Variants in ZFPM2 observed in about 807,000 individuals in gnomAD.
The protein encoded by ZFPM2 is zinc finger protein ZFPM2.
In ZFPM2, 20 loss-of-function variants were observed where a neutral mutation model predicts 98.6. That is an observed-to-expected ratio of 0.20 (90% confidence interval 0.14 to 0.29). The LOEUF is 0.29. Ranked by LOEUF, ZFPM2 falls within the 10% of genes least tolerant of loss-of-function variation. The pLI is 1.00. For synonymous variants in ZFPM2, 518 were observed against 502.7 expected, an observed-to-expected ratio of 1.03 and a Z score of -0.41; for missense variants, 1,310 against 1,388.6, an observed-to-expected ratio of 0.94 and a Z score of 0.90.
rs184591638 is a variant in ZFPM2 at position 105,362,210 on chromosome 8, A to T, written c.40+43229A>T. 1.3e-3 allele frequency among the ~76,000 whole-genome samples: 198 copies of T among 152,244 alleles called. 1 individual carries two copies. Among genetic ancestry groups the T allele is most frequent in the Non-Finnish European group, 2.5e-3 (172 of 68,014 alleles). On this transcript the variant is annotated intron_variant, in intron 1 of 7. Transcript: ENST00000407775. ...TCAAGTCATCTAGAAGTAAAATCAT[A>T]TTGCATAGGAGATTCTAAAGCACTT...
intron 6 of ZFPM2, 115 bp downstream of exon 6, chr8:105,789,039 T>C: frequency 3.8e-6 from 3 of 795,566 alleles, no homozygotes; most frequent in Non-Finnish European, 5.6e-6. Context: ...TGTTGTGGTT[T>C]CATTTTATCT....
At chr8:105,488,785 A>C (rs953085312) in intron 3 of ZFPM2, among the ~76,000 whole-genome samples, 2 of 152,142 alleles carry the variant, frequency 1.3e-5, no homozygotes, top group African/African-American at 4.8e-5. Context: ...AGAAAGGTTA[A>C]GTAACTGGCC....
intron 5 of ZFPM2, among the ~76,000 whole-genome samples, chr8:105,663,819 A>G (rs1817437254): frequency 1.3e-5 from 2 of 152,246 alleles, no homozygotes; most frequent in South Asian, 4.1e-4. Flanking sequence ...TGTTCACTCT[A>G]AGATGGTCTC....
chr8:105,475,871 G>C (rs1430160260), intron 3 of ZFPM2, among the ~76,000 whole-genome samples: 1 of 152,144 alleles, frequency 6.6e-6, no homozygotes, highest in East Asian at 1.9e-4. Flanking sequence ...TTCCAAAAAT[G>C]AGTCATGAGG....
At chr8:105,800,725 T>C (rs1276265487) in intron 7 of ZFPM2, among the ~76,000 whole-genome samples, 1 of 152,138 alleles carries the variant, frequency 6.6e-6, no homozygotes. Context: ...TAGGCATGGC[T>C]TCATCACTTA....
At chr8:105,440,979 G>A (rs144947269) in intron 2 of ZFPM2, among the ~76,000 whole-genome samples, 10 of 151,634 alleles carry the variant, frequency 6.6e-5, no homozygotes, top group African/African-American at 2.4e-4. Context: ...GTGAAACCCC[G>A]TCTCTACTAA....
At chr8:105,344,033 C>A (rs1051184428) in intron 1 of ZFPM2, among the ~76,000 whole-genome samples, 2 of 151,998 alleles carry the variant, frequency 1.3e-5, no homozygotes, top group African/African-American at 4.8e-5. Flanking sequence ...ATGCAGTGGG[C>A]AAGAAGAGGA....
intron 1 of ZFPM2, among the ~76,000 whole-genome samples, chr8:105,349,062 G>T (rs1005527170): frequency 4.6e-5 from 7 of 152,164 alleles, no homozygotes; most frequent in Non-Finnish European, 1.0e-4. Flanking sequence ...TGATAAATGA[G>T]CCCAAGGAGC....
intron 5 of ZFPM2, among the ~76,000 whole-genome samples, chr8:105,707,813 A>G (rs866314395): frequency 8.5e-5 from 13 of 152,316 alleles, no homozygotes; most frequent in African/African-American, 2.9e-4. Flanking sequence ...ACTGTTTCAC[A>G]TAAACATCCA....
intron 3 of ZFPM2, among the ~76,000 whole-genome samples, chr8:105,549,184 T>C (rs1814784320): frequency 1.3e-5 from 2 of 152,022 alleles, no homozygotes; most frequent in Non-Finnish European, 1.5e-5. Flanking sequence ...CTCTATACTC[T>C]ATATTCATGT....
At chr8:105,649,909 G>A (rs1817132639) in intron 5 of ZFPM2, among the ~76,000 whole-genome samples, 1 of 152,172 alleles carries the variant, frequency 6.6e-6, no homozygotes, top group African/African-American at 2.4e-5. Context: ...CTGAGTTAGG[G>A]AGGATTCCCT....
intron 5 of ZFPM2, among the ~76,000 whole-genome samples, chr8:105,763,259 T>C (rs1203604585): frequency 6.6e-6 from 1 of 151,848 alleles, no homozygotes; most frequent in Non-Finnish European, 1.5e-5. Flanking sequence ...AGCAAGTGCA[T>C]ATTTATTCCA....
At chr8:105,686,406 AT>A (rs1323176282) in intron 5 of ZFPM2, among the ~76,000 whole-genome samples, 2 of 151,898 alleles carry the variant, frequency 1.3e-5, no homozygotes, top group African/African-American at 4.8e-5. Flanking sequence ...CCCTAGTAGC[AT>A]TTTTTTGGAG....
At chr8:105,674,754 TGAGAA>T (rs1298270868) in intron 5 of ZFPM2, among the ~76,000 whole-genome samples, 2 of 152,084 alleles carry the variant, frequency 1.3e-5, no homozygotes, top group Admixed American at 1.3e-4. Flanking sequence ...GGATATAAAA[TGAGAA>T]GAAAGCAAGA....
chr8:105,482,052 T>C (rs1050201158), intron 3 of ZFPM2, among the ~76,000 whole-genome samples: 1 of 152,222 alleles, frequency 6.6e-6, no homozygotes. Flanking sequence ...GATTGTGTAA[T>C]GTTTTTCTGC....
intron 3 of ZFPM2, among the ~76,000 whole-genome samples, chr8:105,495,725 TGAA>T (rs565167802): frequency 1.4e-4 from 22 of 152,218 alleles, no homozygotes; most frequent in South Asian, 8.3e-4. Context: ...CGTTTTTTTC[TGAA>T]GAAGAAGAAG....
intron 4 of ZFPM2, among the ~76,000 whole-genome samples, chr8:105,570,368 G>T (rs1474020661): frequency 1.3e-5 from 2 of 151,874 alleles, no homozygotes; most frequent in African/African-American, 4.8e-5. Flanking sequence ...GGAGAAAGAA[G>T]TTTGTGTGGA....
At position 105,524,164 on chromosome 8, in the gene ZFPM2, A is replaced by G. The variant is rs576403963; in HGVS notation, c.302-37199A>G. Among the ~76,000 whole-genome samples, 3 of 152,188 alleles carry G rather than the reference A, an allele frequency of 2.0e-5. No individual in the cohort carries two copies. The South Asian group carries it at 6.2e-4, about 32-fold the overall frequency. On this transcript the variant is annotated intron_variant, in intron 3 of 7. Coordinates refer to ENST00000407775, the MANE Select transcript of ZFPM2 (RefSeq NM_012082.4). ...AATTGAGGCACTTTGGGGAGATATA[A>G]CTATGTTAATGCTGGAAAGTCTACT...
At position 105,583,568 on chromosome 8, in the gene ZFPM2, A is replaced by G. The variant is rs144870404; in HGVS notation, c.420+22087A>G. On this transcript the variant is annotated intron_variant, in intron 4 of 7. Transcript: ENST00000407775. ...AGACTAAGCTCTTTCATCTGCAAAG[A>G]CAGTAAGGGGAATTTTTTTCCTTTT... is the stretch of plus-strand genomic sequence containing the variant. 3.4e-4 allele frequency among the ~76,000 whole-genome samples: 52 copies of G among 152,316 alleles called. No homozygotes were observed. The East Asian group carries it at 9.3e-3, about 27-fold the overall frequency.
Sources: allele counts gnomAD v4.1 joint callset (sites outside exome capture counted in the v4.1 genomes callset), GRCh38; gene constraint gnomAD v4.1.1; transcripts MANE v1.5; gene names NCBI Gene and HGNC (gene_info 2026-07-23, HGNC 2026-07-21).